Variants in SUPT3H observed in about 807,000 individuals in gnomAD.
SUPT3H encodes transcription initiation protein SPT3 homolog.
In SUPT3H, 44 loss-of-function variants were observed where a neutral mutation model predicts 44.3. That is an observed-to-expected ratio of 0.99 (90% confidence interval 0.78 to 1.28). The LOEUF (loss-of-function observed/expected upper bound fraction) is 1.28. Ranked by LOEUF, SUPT3H falls within the 50% of genes most tolerant of loss-of-function variation. The probability of loss-of-function intolerance (pLI) is 0.00; values close to 1 mark genes in which losing one functional copy is unlikely to be tolerated. For missense variants in SUPT3H, 380 were observed against 387.1 expected, an observed-to-expected ratio of 0.98 and a Z score of 0.15; for synonymous variants, 124 against 125.6, an observed-to-expected ratio of 0.99 and a Z score of 0.09.
intron 2 of SUPT3H, among the ~76,000 whole-genome samples, chr6:45,302,244 T>C (rs1439995127): frequency 6.6e-6 from 1 of 151,934 alleles, no homozygotes; most frequent in Non-Finnish European, 1.5e-5. Context: ...TAGTCTTTTA[T>C]CCCTCACCCC....
intron 2 of SUPT3H, among the ~76,000 whole-genome samples, chr6:45,169,265 AT>A (rs1217885997): frequency 6.6e-6 from 1 of 152,140 alleles, no homozygotes; most frequent in African/African-American, 2.4e-5. Context: ...ATGCATTCTT[AT>A]TTTCAGATTC....
chr6:44,854,315 CTT>C (rs1773383724), intron 10 of SUPT3H, among the ~76,000 whole-genome samples: 2 of 152,276 alleles, frequency 1.3e-5, no homozygotes, highest in African/African-American at 4.8e-5. Context: ...TCTATGGACT[CTT>C]TTAATAACAC....
intron 2 of SUPT3H, among the ~76,000 whole-genome samples, chr6:45,175,637 A>G (rs1811635506): frequency 6.6e-6 from 1 of 152,166 alleles, no homozygotes; most frequent in Non-Finnish European, 1.5e-5. Flanking sequence ...TATTAAATAA[A>G]CTAACAGATT....
intron 2 of SUPT3H, among the ~76,000 whole-genome samples, chr6:45,114,432 A>T (rs6910974): frequency 0.59 from 88,946 of 152,018 alleles, 26,875 homozygotes; most frequent in African/African-American, 0.75. Flanking sequence ...AAATATTAAA[A>T]CATGTATTTA....
At chr6:45,016,534 C>A (rs1784310377) in intron 4 of SUPT3H, among the ~76,000 whole-genome samples, 1 of 137,914 alleles carries the variant, frequency 7.3e-6, no homozygotes, top group African/African-American at 2.7e-5. Flanking sequence ...TGATGTTCCC[C>A]TTACTGTGTC....
intron 2 of SUPT3H, among the ~76,000 whole-genome samples, chr6:45,238,237 G>C (rs111408318): frequency 0.025 from 3,778 of 152,188 alleles, 161 homozygotes; most frequent in African/African-American, 0.084. Flanking sequence ...TGCAAAATTC[G>C]ATTTCTTGCA....
intron 3 of SUPT3H, among the ~76,000 whole-genome samples, chr6:45,070,767 T>C (rs1462947198): frequency 6.9e-6 from 1 of 144,840 alleles, no homozygotes; most frequent in African/African-American, 2.5e-5. Context: ...AAAGAAATGC[T>C]TTAATCTCAA....
intron 2 of SUPT3H, among the ~76,000 whole-genome samples, chr6:45,163,507 C>T (rs1186133465): frequency 6.6e-6 from 1 of 152,072 alleles, no homozygotes; most frequent in Non-Finnish European, 1.5e-5. Flanking sequence ...GGATTATTGG[C>T]TATGTCAATT....
chr6:45,208,144 G>A (rs1372563940), intron 2 of SUPT3H, among the ~76,000 whole-genome samples: 2 of 152,188 alleles, frequency 1.3e-5, no homozygotes, highest in Non-Finnish European at 2.9e-5. Context: ...CTGATATGGA[G>A]AAAGTTTTAG....
At chr6:44,912,901 G>A (rs1170871398) in intron 10 of SUPT3H, among the ~76,000 whole-genome samples, 1 of 152,154 alleles carries the variant, frequency 6.6e-6, no homozygotes, top group African/African-American at 2.4e-5. Context: ...CTCTTCTCCA[G>A]TGTCTAATAT....
At chr6:44,917,012 G>A (rs2249560) in intron 10 of SUPT3H, among the ~76,000 whole-genome samples, 132,691 of 151,216 alleles carry the variant, frequency 0.88, 58,588 homozygotes, top group East Asian at 1. Context: ...AAACTACTTG[G>A]GCATGACAGT....
intron 2 of SUPT3H, among the ~76,000 whole-genome samples, chr6:45,129,737 G>A (rs142536333): frequency 1.6e-3 from 246 of 151,820 alleles, no homozygotes; most frequent in African/African-American, 5.7e-3. Flanking sequence ...GCCAGAAAGC[G>A]AAGACGTATA....
intron 3 of SUPT3H, among the ~76,000 whole-genome samples, chr6:45,105,398 T>G (rs1186213650): frequency 6.6e-6 from 1 of 152,074 alleles, no homozygotes; most frequent in Non-Finnish European, 1.5e-5. Context: ...ATAAAGTGAG[T>G]CAGACAAATT....
chr6:45,271,334 T>C (rs910310873), intron 2 of SUPT3H, among the ~76,000 whole-genome samples: 2 of 152,110 alleles, frequency 1.3e-5, no homozygotes, highest in African/African-American at 4.8e-5. Flanking sequence ...GAAAAAATGG[T>C]TTCCTGGGCC....
chr6:44,971,507 A>G (rs1777562832), intron 6 of SUPT3H, among the ~76,000 whole-genome samples: 1 of 152,270 alleles, frequency 6.6e-6, no homozygotes, highest in Admixed American at 6.5e-5. Flanking sequence ...AAGGAGGAAA[A>G]GCCCCTTATA....
chr6:45,373,085 T>C (rs557991000), intron 1 of SUPT3H, among the ~76,000 whole-genome samples: 23 of 151,834 alleles, frequency 1.5e-4, no homozygotes, highest in African/African-American at 4.8e-5. Flanking sequence ...GGGATTACAG[T>C]TGTGAGTCAC....
chr6:45,259,676 T>C (rs1224360206), intron 2 of SUPT3H, among the ~76,000 whole-genome samples: 2 of 152,106 alleles, frequency 1.3e-5, no homozygotes, highest in East Asian at 1.9e-4. Context: ...GAGAAAACTT[T>C]AGTGCATAGG....
At chr6:45,271,029 A>C in intron 2 of SUPT3H, among the ~76,000 whole-genome samples, 1 of 152,216 alleles carries the variant, frequency 6.6e-6, no homozygotes, top group East Asian at 1.9e-4. Context: ...AATTTAGGGT[A>C]TCTGACAGAA....
At chr6:45,353,970 A>G (rs1438521102) in intron 2 of SUPT3H, among the ~76,000 whole-genome samples, 3 of 152,142 alleles carry the variant, frequency 2.0e-5, no homozygotes, top group Non-Finnish European at 4.4e-5. Context: ...AAGAAGAAAT[A>G]AAAATGGCCA....
Sources: gnomAD v4.1 joint callset for allele counts (sites outside exome capture counted in the v4.1 genomes callset) on GRCh38, gnomAD v4.1.1 for gene constraint, MANE v1.5 for transcripts, NCBI Gene and HGNC (gene_info 2026-07-23, HGNC 2026-07-21) for gene names.